Variants in TMC1 observed in about 807,000 individuals in gnomAD.
TMC1 encodes transmembrane channel-like protein 1.
TMC1 carries 84 observed loss-of-function variants against 105.8 expected under a neutral mutation model. That is an observed-to-expected ratio of 0.79 (90% CI 0.67 to 0.95). The LOEUF (loss-of-function observed/expected upper bound fraction) is 0.95, where lower values mean the gene tolerates loss of function less well. Among genes scored for constraint, TMC1 ranks in the 40% least tolerant of loss-of-function variants. The pLI is 0.00. For missense variants in TMC1, 817 were observed against 914.1 expected (o/e 0.89, Z 1.37); for synonymous variants, 315 against 311.5 (o/e 1.01, Z -0.12).
intron 17 of TMC1, among the ~76,000 whole-genome samples, chr9:72,794,120 C>T (rs753274455): frequency 5.3e-5 from 8 of 152,048 alleles, no homozygotes; most frequent in Non-Finnish European, 1.0e-4. Context: ...ACCCCCAGCT[C>T]GGACCCACAA....
At chr9:72,660,925 C>A (rs183184312) in intron 5 of TMC1, among the ~76,000 whole-genome samples, 1 of 151,956 alleles carries the variant, frequency 6.6e-6, no homozygotes, top group East Asian at 1.9e-4. Context: ...CTGAGGCGGG[C>A]GGATCACGAG....
intron 1 of TMC1, among the ~76,000 whole-genome samples, chr9:72,526,096 T>C (rs1780263825): frequency 6.6e-6 from 1 of 152,134 alleles, no homozygotes; most frequent in South Asian, 2.1e-4. Flanking sequence ...GCCCCTTGCT[T>C]TGGGGGCTGG....
At position 72,789,269 on chromosome 9, in the gene TMC1, A is replaced by G; in HGVS notation, c.1176A>G (p.Glu392=). 4 of 1,614,064 alleles carry G rather than the reference A, an allele frequency of 2.5e-6. No individual in the cohort carries two copies. Among genetic ancestry groups the G allele is most frequent in the Non-Finnish European group, 3.4e-6 (4 of 1,179,938 alleles). ...TTTGGGCTGTGAAGCGATCCCAGGAATTTGCACAGCAAGATCCTGACACCC... is the reference window on the plus strand; with the variant it reads ...TTTGGGCTGTGAAGCGATCCCAGGAGTTTGCACAGCAAGATCCTGACACCC... ...LIFWAVKRSQ[E]FAQQDPDTLG... The change falls in exon 15 of 24, where the codon GAA becomes GAG. Residue 392 remains glutamate, a synonymous_variant. Coordinates refer to ENST00000297784, the MANE Select transcript of TMC1 (RefSeq NM_138691.3).
At chr9:72,743,336 C>A (rs1827424895) in intron 10 of TMC1, among the ~76,000 whole-genome samples, 1 of 147,500 alleles carries the variant, frequency 6.8e-6, no homozygotes. Flanking sequence ...CACTGCACTC[C>A]AGCCTGGGCG....
In TMC1 at chr9:72,836,125, A is replaced by C. The variant is rs1187792625; in HGVS notation, c.*152A>C. The C allele has an allele frequency of 2.3e-6, 2 of 862,664 alleles. No individual in the cohort carries two copies. Among genetic ancestry groups the C allele is most frequent in the Non-Finnish European group, 3.9e-6 (2 of 510,900 alleles). 53.4% of individuals were successfully genotyped at this position (862,664 alleles called of 1,614,324 possible). On this transcript the variant is annotated 3_prime_UTR_variant, in exon 24 of 24. Coordinates refer to ENST00000297784, the MANE Select transcript of TMC1 (RefSeq NM_138691.3). ...CAAGGTCATGCTGGCCAATTAAGGC[A>C]TCATCAGTCCTACCTGAGCAACAAG...
intron 8 of TMC1, among the ~76,000 whole-genome samples, chr9:72,725,752 ACGATCT>A: frequency 6.6e-6 from 1 of 151,758 alleles, no homozygotes; most frequent in East Asian, 1.9e-4. Flanking sequence ...GTGCAGTGGC[ACGATCT>A]CGGCTAACTG....
chr9:72,693,231 A>G (rs1020166353), intron 6 of TMC1, among the ~76,000 whole-genome samples: 2 of 152,180 alleles, frequency 1.3e-5, no homozygotes, highest in African/African-American at 4.8e-5. Context: ...AAAAGTTTTA[A>G]CAAGTGGTAA....
chr9:72,728,369 A>G (rs1241872992), intron 8 of TMC1, among the ~76,000 whole-genome samples: 1 of 152,190 alleles, frequency 6.6e-6, no homozygotes, highest in Non-Finnish European at 1.5e-5. Context: ...TAAGTCTGGA[A>G]TAGTCTTCAG....
At chr9:72,670,034 G>A (rs899676524) in intron 5 of TMC1, among the ~76,000 whole-genome samples, 24 of 152,150 alleles carry the variant, frequency 1.6e-4, no homozygotes, top group Non-Finnish European at 2.5e-4. Context: ...AGAGAGACCT[G>A]AAAGTCTGCA....
At chr9:72,607,459 A>G (rs959399711) in intron 2 of TMC1, among the ~76,000 whole-genome samples, 22 of 150,784 alleles carry the variant, frequency 1.5e-4, no homozygotes, top group African/African-American at 5.4e-4. Flanking sequence ...CTCTACTAAA[A>G]ATACAAAAAA....
intron 23 of TMC1, among the ~76,000 whole-genome samples, chr9:72,832,347 C>T (rs1159299480): frequency 1.3e-5 from 2 of 152,184 alleles, no homozygotes; most frequent in Non-Finnish European, 2.9e-5. Flanking sequence ...CATTGGCTGA[C>T]CTTTATGGCA....
intron 3 of TMC1, among the ~76,000 whole-genome samples, chr9:72,618,083 C>T (rs1017655964): frequency 3.4e-4 from 45 of 133,092 alleles, no homozygotes; most frequent in African/African-American, 1.3e-3. Flanking sequence ...GGCTGGAGTG[C>T]AGTCGCTTGA....
Position 72,786,452 on chromosome 9 carries a change from C to CAAAACA in TMC1, c.885-1871_885-1866dup, listed in dbSNP as rs372406384. ...GAGAAGACTCCTCCTCAAACAAAAA[C>CAAAACA]AAAACAAAAACAAAAACAAAACAAA... On this transcript the variant is annotated intron_variant, in intron 13 of 23. Coordinates refer to ENST00000297784, the MANE Select transcript of TMC1 (RefSeq NM_138691.3). Among the ~76,000 whole-genome samples the CAAAACA allele has an allele frequency of 4.6e-3, 695 of 150,252 alleles. 6 individuals carry two copies. The highest frequency in any genetic ancestry group is 0.015 in the African/African-American group (616 of 41,324).
At chr9:72,546,183 C>T (rs1823766021) in intron 1 of TMC1, among the ~76,000 whole-genome samples, 1 of 151,800 alleles carries the variant, frequency 6.6e-6, no homozygotes, top group African/African-American at 2.4e-5. Flanking sequence ...ATCCCAGCTA[C>T]TTGAGAGGCT....
At chr9:72,816,001 C>G in intron 18 of TMC1, 142 bp from the exon 19 acceptor site, 1 of 727,896 alleles carries the variant, frequency 1.4e-6, no homozygotes, top group Non-Finnish European at 2.5e-6. Flanking sequence ...TTATTTATAT[C>G]TGGTTACTTA....
At chr9:72,834,671 C>T (rs905658058) in intron 23 of TMC1, among the ~76,000 whole-genome samples, 5 of 152,108 alleles carry the variant, frequency 3.3e-5, no homozygotes, top group African/African-American at 9.7e-5. Flanking sequence ...CTTTTTACTG[C>T]GGCACTCCTT....
chr9:72,794,891 C>T (rs12005438), intron 17 of TMC1, among the ~76,000 whole-genome samples: 14,074 of 152,228 alleles, frequency 0.092, 715 homozygotes, highest in Non-Finnish European at 0.13. Flanking sequence ...AATAACACGA[C>T]ACTGGAGCTG....
At chr9:72,826,596 A>G (rs1828960323) in intron 20 of TMC1, among the ~76,000 whole-genome samples, 1 of 152,224 alleles carries the variant, frequency 6.6e-6, no homozygotes, top group Non-Finnish European at 1.5e-5. Context: ...TCAAAATCTT[A>G]GAAATACAGT....
At chr9:72,683,731 TTTTATATA>T (rs1173380641) in intron 5 of TMC1, among the ~76,000 whole-genome samples, 1,133 of 49,600 alleles carry the variant, frequency 0.023, 29 homozygotes, top group South Asian at 0.029. Flanking sequence ...GAGTTACACA[TTTTATATA>T]TATATATATA....
Sources: gnomAD v4.1 joint callset for allele counts (sites outside exome capture counted in the v4.1 genomes callset) on GRCh38, gnomAD v4.1.1 for gene constraint, MANE v1.5 for transcripts, NCBI Gene and HGNC (gene_info 2026-07-23, HGNC 2026-07-21) for gene names.